Variants in HOMER1 observed in about 807,000 individuals in gnomAD.
HOMER1 encodes the protein homer protein homolog 1.
A neutral mutation model predicts 48.9 loss-of-function variants in HOMER1; 3 were observed. The observed-to-expected ratio is 0.06, with a 90% CI of 0.03 to 0.16. The LOEUF (loss-of-function observed/expected upper bound fraction) is 0.16, where lower values mean the gene tolerates loss of function less well. Ranked by LOEUF, HOMER1 falls within the 10% of genes least tolerant of loss-of-function variation. The pLI is 1.00. For synonymous variants in HOMER1, 134 were observed against 146.4 expected, an observed-to-expected ratio of 0.92 and a Z score of 0.61; for missense variants, 247 against 411.4, an observed-to-expected ratio of 0.60 and a Z score of 3.46.
intron 5 of HOMER1, among the ~76,000 whole-genome samples, chr5:79,427,892 GA>G (rs1253052901): frequency 1.3e-5 from 2 of 149,590 alleles, no homozygotes; most frequent in Admixed American, 1.3e-4. Flanking sequence ...CAAATTAAAG[GA>G]AAAAAATCAA....
At chr5:79,467,588 T>C (rs376904486) in intron 1 of HOMER1, among the ~76,000 whole-genome samples, 6 of 152,154 alleles carry the variant, frequency 3.9e-5, no homozygotes, top group South Asian at 4.1e-4. Flanking sequence ...AAGAGAAAGA[T>C]TCAGAGATAC....
chr5:79,399,023 C>T (rs922082611), intron 6 of HOMER1, among the ~76,000 whole-genome samples: 6 of 152,140 alleles, frequency 3.9e-5, no homozygotes, highest in African/African-American at 1.4e-4. Context: ...AATTATTTCA[C>T]TTATTGTTTA....
At chr5:79,507,009 C>T (rs375571978) in intron 1 of HOMER1, among the ~76,000 whole-genome samples, 85 of 151,828 alleles carry the variant, frequency 5.6e-4, no homozygotes, top group African/African-American at 2.0e-3. Flanking sequence ...GTCAGGAGTT[C>T]GAAACCAGCC....
At chr5:79,392,548 G>A (rs1437643026) in intron 8 of HOMER1, among the ~76,000 whole-genome samples, 1 of 152,114 alleles carries the variant, frequency 6.6e-6, no homozygotes, top group Non-Finnish European at 1.5e-5. Flanking sequence ...TTACAAAAAA[G>A]TAAAAAGTTA....
intron 8 of HOMER1, among the ~76,000 whole-genome samples, chr5:79,394,053 A>AT (rs921897172): frequency 7.2e-5 from 11 of 152,064 alleles, no homozygotes; most frequent in Non-Finnish European, 1.2e-4. Flanking sequence ...AATTTTTCTA[A>AT]TTTTTTTTAC....
chr5:79,502,568 A>G (rs1168391073), intron 1 of HOMER1, among the ~76,000 whole-genome samples: 3 of 152,184 alleles, frequency 2.0e-5, no homozygotes, highest in Non-Finnish European at 4.4e-5. Flanking sequence ...CATATACAGA[A>G]TTTTATATAC....
At chr5:79,445,129 A>G (rs1197409655) in intron 4 of HOMER1, among the ~76,000 whole-genome samples, 1 of 152,238 alleles carries the variant, frequency 6.6e-6, no homozygotes, top group Admixed American at 6.5e-5. Context: ...ATAATTTTCT[A>G]AACTGTTCCA....
At chr5:79,500,036 G>T (rs1752532384) in intron 1 of HOMER1, among the ~76,000 whole-genome samples, 1 of 152,156 alleles carries the variant, frequency 6.6e-6, no homozygotes, top group South Asian at 2.1e-4. Context: ...TGCCTGATAT[G>T]TGCTGCAGAT....
At chr5:79,445,778 G>A (rs1237586203) in intron 4 of HOMER1, among the ~76,000 whole-genome samples, 29 of 152,186 alleles carry the variant, frequency 1.9e-4, no homozygotes, top group Admixed American at 1.9e-3. Context: ...GCCAGGTGGG[G>A]TGGTGCACGC....
chr5:79,455,983 T>C (rs1277143553), intron 2 of HOMER1, among the ~76,000 whole-genome samples: 1 of 151,910 alleles, frequency 6.6e-6, no homozygotes, highest in Admixed American at 6.6e-5. Context: ...GGTGAAACCC[T>C]GTCTCTACTA....
chr5:79,477,013 TTGAG>T (rs1318966922), intron 1 of HOMER1, among the ~76,000 whole-genome samples: 1 of 152,198 alleles, frequency 6.6e-6, no homozygotes. Flanking sequence ...GAGTCCTGCC[TTGAG>T]TAAGTAAAAG....
At chr5:79,411,263 T>C (rs1408245404) in intron 5 of HOMER1, among the ~76,000 whole-genome samples, 2 of 152,112 alleles carry the variant, frequency 1.3e-5, no homozygotes, top group African/African-American at 2.4e-5. Flanking sequence ...GGAGGGCAGA[T>C]CGCTTGAGCT....
At chr5:79,405,369 T>C (rs988132697) in intron 5 of HOMER1, among the ~76,000 whole-genome samples, 44 of 152,188 alleles carry the variant, frequency 2.9e-4, no homozygotes, top group African/African-American at 1.0e-3. Flanking sequence ...GTCTACAGCA[T>C]TTTTTAGGAC....
At chr5:79,496,270 C>A (rs1752417702) in intron 1 of HOMER1, among the ~76,000 whole-genome samples, 1 of 152,116 alleles carries the variant, frequency 6.6e-6, no homozygotes, top group Non-Finnish European at 1.5e-5. Context: ...CCCCTTCCCA[C>A]AGTCAATCAA....
chr5:79,419,703 A>G (rs1354525188), intron 5 of HOMER1, among the ~76,000 whole-genome samples: 7 of 152,080 alleles, frequency 4.6e-5, no homozygotes, highest in Non-Finnish European at 8.8e-5. Context: ...AAAAAATGTT[A>G]ATCTTTTCAG....
chr5:79,394,920 T>C (rs1459512183), intron 8 of HOMER1, among the ~76,000 whole-genome samples: 1 of 152,196 alleles, frequency 6.6e-6, no homozygotes, highest in East Asian at 1.9e-4. Flanking sequence ...AAATATATCA[T>C]CTCTTTGTTT....
chr5:79,387,965 T>C (rs948532871), intron 8 of HOMER1, among the ~76,000 whole-genome samples: 24 of 152,214 alleles, frequency 1.6e-4, no homozygotes, highest in African/African-American at 5.8e-4. Context: ...AGCAGAGGTA[T>C]TTCTCAAGCT....
intron 8 of HOMER1, among the ~76,000 whole-genome samples, chr5:79,387,311 T>C (rs1248152012): frequency 6.6e-6 from 1 of 151,976 alleles, no homozygotes. Context: ...AATATTTTTG[T>C]GGAGATAGGG....
intron 5 of HOMER1, among the ~76,000 whole-genome samples, chr5:79,411,084 C>T (rs951430036): frequency 6.6e-6 from 1 of 152,144 alleles, no homozygotes; most frequent in Non-Finnish European, 1.5e-5. Context: ...TCAAAATGGA[C>T]CAGCTGGTTT....
Sources: allele counts gnomAD v4.1 joint callset (sites outside exome capture counted in the v4.1 genomes callset), GRCh38; gene constraint gnomAD v4.1.1; transcripts MANE v1.5; gene names NCBI Gene and HGNC (gene_info 2026-07-23, HGNC 2026-07-21).